AHCTF1: variants seen among roughly 807,000 people sequenced by gnomAD.
AHCTF1 encodes the protein AT-hook containing transcription factor 1, also known as protein ELYS.
A neutral mutation model predicts 248.4 loss-of-function variants in AHCTF1; 24 were observed. The ratio of observed to expected loss-of-function variants is 0.10; its 90% CI spans 0.07 to 0.14. AHCTF1 has a LOEUF of 0.14. AHCTF1 is among the 10% of genes least tolerant of loss of function. AHCTF1 has a pLI of 1.00. For missense variants in AHCTF1, 2,206 were observed against 2,636.2 expected, an observed-to-expected ratio of 0.84 and a Z score of 3.57; for synonymous variants, 786 against 929.8, an observed-to-expected ratio of 0.85 and a Z score of 2.81.
chr1:246,922,211 T>A (rs1227946937), intron 1 of AHCTF1, among the ~76,000 whole-genome samples: 1 of 151,918 alleles, frequency 6.6e-6, no homozygotes, highest in Non-Finnish European at 1.5e-5. Flanking sequence ...AATACAAAAA[T>A]CAGTCGGGCA....
chr1:246,915,819 A>G (rs1019279060), intron 3 of AHCTF1, among the ~76,000 whole-genome samples: 5 of 152,232 alleles, frequency 3.3e-5, no homozygotes, highest in African/African-American at 1.2e-4. Flanking sequence ...CTCATAGAAC[A>G]CAACTGGAGA....
At chr1:246,878,036 A>G (rs1395468147) in intron 21 of AHCTF1, among the ~76,000 whole-genome samples, 1 of 152,050 alleles carries the variant, frequency 6.6e-6, no homozygotes, top group African/African-American at 2.4e-5. Context: ...TCTTGACCCA[A>G]TGATCCCAAT....
chr1:246,913,502 T>C lies in AHCTF1; in HGVS notation c.376-90A>G, dbSNP rs1274290036. On this transcript the variant is annotated intron_variant, in intron 3 of 35. Transcript: ENST00000648844. ...AATTTAAGTTAAAGCAGGTTATCAG[T>C]TATAATAGATTTAAGACTATAGAGT... The C allele has an allele frequency of 1.8e-5, 23 of 1,270,382 alleles. No individual in the cohort carries two copies. In the East Asian group the frequency reaches 5.3e-4, roughly 29 times the overall value. The allele number at this position is 1,270,382 out of a possible 1,614,324, so 78.7% of individuals were successfully genotyped here. A position where few individuals can be genotyped will look rare whatever the true frequency, so the allele number is the denominator to read the frequency against.
At chr1:246,918,117 T>C (rs1343254481) in intron 2 of AHCTF1, 133 bp downstream of exon 2, 3 of 709,046 alleles carry the variant, frequency 4.2e-6, no homozygotes, top group Admixed American at 7.8e-5. Context: ...TATGTAACTG[T>C]AGATGTTACA....
intron 5 of AHCTF1, 28 bp from the exon 6 acceptor site, chr1:246,905,685 TTTAAG>T (rs1665338780): frequency 6.4e-7 from 1 of 1,551,938 alleles, no homozygotes; most frequent in East Asian, 2.3e-5. Flanking sequence ...ATTTCATATT[TTTAAG>T]TTATTTTTTA....
Position 246,888,179 on chromosome 1 carries a change from T to G in AHCTF1, c.2323A>C (p.Ile775Leu). The G allele has an allele frequency of 6.2e-7, 1 of 1,613,974 alleles. No homozygotes were observed. The highest frequency in any genetic ancestry group is 2.2e-5 in the East Asian group (1 of 44,878). ...DGVTEAAKHSITIYLLLDIMY... is the reference protein window; with the variant it reads ...DGVTEAAKHSLTIYLLLDIMY... Reference sequence around the variant, plus strand: ...CTGGATAAAACTTAAAAGGATACAATAGAGTGTTTGGCTGCTTCAGTAACG... The same window carrying G: ...CTGGATAAAACTTAAAAGGATACAAGAGAGTGTTTGGCTGCTTCAGTAACG... Residue 775 changes from isoleucine to leucine, a missense_variant and splice_region_variant, in exon 19 of 36, where the codon ATT (isoleucine) becomes CTT (leucine). Physicochemically the swap from Ile to Leu is conservative, Grantham distance 5. This residue lies in a region of AHCTF1 where 650 missense variants were observed against 870.8 expected (regional missense o/e 0.75). Transcript: ENST00000648844.
At chr1:246,931,020 AC>A (rs1409203637) in intron 1 of AHCTF1, 1 of 1,409,164 alleles carries the variant, frequency 7.1e-7, no homozygotes. Flanking sequence ...AAGGCAAAGC[AC>A]CCCAAGATGT....
chr1:246,923,726 T>C (rs1348868537), intron 1 of AHCTF1, among the ~76,000 whole-genome samples: 3 of 143,430 alleles, frequency 2.1e-5, no homozygotes, highest in Non-Finnish European at 3.1e-5. Flanking sequence ...GCAAATGAAA[T>C]GTGTGCGTGC....
At chr1:246,909,549 CT>C (rs1341997737) in intron 4 of AHCTF1, among the ~76,000 whole-genome samples, 1 of 152,104 alleles carries the variant, frequency 6.6e-6, no homozygotes, top group Non-Finnish European at 1.5e-5. Context: ...CTCAGATCAA[CT>C]GTCGCAGTAT....
rs143229745 is a variant in AHCTF1, at chr1:246,864,286, T to C, written c.3348-170A>G. The C allele has an allele frequency of 5.9e-5, 39 of 659,204 alleles. No homozygotes were observed. In the African/African-American group the frequency reaches 6.1e-4, roughly 10 times the overall value. The allele number at this position is 659,204 out of a possible 1,614,324, so 40.8% of individuals were successfully genotyped here. On this transcript the variant is annotated intron_variant, in intron 26 of 35. Coordinates refer to ENST00000648844, the MANE Select transcript of AHCTF1 (RefSeq NM_001323342.2). ...ACCATGCATTCAAAAAGTCAGAAAA[T>C]TATTCATCGCAAAACAGAATTAAGA...
rs776053931 is a variant in AHCTF1, at chr1:246,850,821, T to G, written c.5185A>C (p.Ser1729Arg). The G allele has an allele frequency of 6.2e-7, 1 of 1,613,770 alleles. No homozygotes were observed. The highest frequency in any genetic ancestry group is 2.2e-5 in the East Asian group (1 of 44,882). Residue 1729 changes from serine (S) to arginine (R), a missense_variant, in exon 33 of 36, where the codon AGC (serine) becomes CGC (arginine). By Grantham distance (110) the Ser-to-Arg change is moderately radical. Coordinates refer to ENST00000648844, the MANE Select transcript of AHCTF1 (RefSeq NM_001323342.2). ...GAGGAAACCACGTCATCAACCTGGC[T>G]GACATTCATAGTCATTGTGCTTGTT... ...QETSTMTMNVSQVDDVVSSKT... is the reference protein window; with the variant it reads ...QETSTMTMNVRQVDDVVSSKT...
At chr1:246,923,108 CAAAAA>C (rs34474643) in intron 1 of AHCTF1, among the ~76,000 whole-genome samples, 1 of 111,898 alleles carries the variant, frequency 8.9e-6, no homozygotes. Flanking sequence ...CAAATAATAC[CAAAAA>C]AAAAAAAAAA....
intron 21 of AHCTF1, among the ~76,000 whole-genome samples, chr1:246,884,442 A>G (rs548099510): frequency 6.6e-6 from 1 of 152,352 alleles, no homozygotes; most frequent in East Asian, 1.9e-4. Context: ...CAGAAGTGGT[A>G]ATTGGTTCAT....
chr1:246,854,167 C>T (rs568991953), intron 31 of AHCTF1, among the ~76,000 whole-genome samples: 4 of 151,926 alleles, frequency 2.6e-5, no homozygotes, highest in East Asian at 3.9e-4. Context: ...GGCGTGGTGG[C>T]GGGCACCTGT....
chr1:246,865,571 A>G (rs73142251), intron 26 of AHCTF1, among the ~76,000 whole-genome samples: 4,134 of 152,274 alleles, frequency 0.027, 211 homozygotes, highest in African/African-American at 0.095. Context: ...CTTGGAAAAC[A>G]GTTTGCTCAC....
intron 21 of AHCTF1, among the ~76,000 whole-genome samples, chr1:246,882,829 A>G (rs537742814): frequency 2.2e-4 from 33 of 152,354 alleles, no homozygotes; most frequent in African/African-American, 7.9e-4. Flanking sequence ...GTCCATATAT[A>G]TAGCTCATAA....
intron 6 of AHCTF1, 21 bp downstream of exon 6, chr1:246,905,520 C>T: frequency 6.3e-7 from 1 of 1,586,720 alleles, no homozygotes; most frequent in Non-Finnish European, 8.6e-7. Flanking sequence ...CAAAACAAAA[C>T]AAAGTTTGTA....
rs182814086 is a variant in AHCTF1 at position 246,922,092 on chromosome 1, G to A, written c.-7-3715C>T. On this transcript the variant is annotated intron_variant, in intron 1 of 35. Transcript: ENST00000648844. Reference sequence around the variant, plus strand: ...AACATATACAGGGCTGGGCACAGTGGCTCACGCCTGTAATCCCAGCACTTT... The same window carrying A: ...AACATATACAGGGCTGGGCACAGTGACTCACGCCTGTAATCCCAGCACTTT... Among the ~76,000 whole-genome samples, 144 of 152,296 alleles carry A rather than the reference G, an allele frequency of 9.5e-4. 1 individual carries two copies. The highest frequency in any genetic ancestry group is 2.8e-4 in the Non-Finnish European group (19 of 68,032).
chr1:246,905,521 A>G lies in AHCTF1; in HGVS notation c.881+20T>C. 2 of 1,587,522 alleles carry G rather than the reference A, an allele frequency of 1.3e-6. No individual in the cohort carries two copies. Among genetic ancestry groups the G allele is most frequent in the South Asian group, 1.1e-5 (1 of 90,362 alleles). On this transcript the variant is annotated intron_variant, in intron 6 of 35. Transcript: ENST00000648844. ...CCAAAAAAACAAAACAAAACAAAAC[A>G]AAGTTTGTATGAGACCTACCTATCT...
Sources: allele counts gnomAD v4.1 joint callset (sites outside exome capture counted in the v4.1 genomes callset), GRCh38; gene constraint gnomAD v4.1.1; regional missense constraint gnomAD v4.1.1; transcripts MANE v1.5; gene names NCBI Gene and HGNC (gene_info 2026-07-23, HGNC 2026-07-21).